The following LRRC36 variants were observed in gnomAD, a reference collection of about 807,000 sequenced individuals.
The protein encoded by LRRC36 is leucine rich repeat containing 36.
Under a neutral mutation model 81.1 loss-of-function variants are expected in LRRC36, and 62 were observed. That is an observed-to-expected ratio of 0.76 (90% CI 0.62 to 0.94). The LOEUF is 0.94. LRRC36 is among the 40% of genes least tolerant of loss of function. The pLI, the probability that LRRC36 is intolerant of heterozygous loss-of-function variation, is 0.00. For synonymous variants in LRRC36, 334 were observed against 348.6 expected, an observed-to-expected ratio of 0.96 and a Z score of 0.47; for missense variants, 761 against 881.7, an observed-to-expected ratio of 0.86 and a Z score of 1.73.
chr16:67,362,365 G>C (rs2039193047), intron 5 of LRRC36: 2 of 321,418 alleles, frequency 6.2e-6, no homozygotes, highest in Middle Eastern at 1.1e-3. Flanking sequence ...ATTTCACCAG[G>C]CTGGCCAGGC....
chr16:67,366,003 T>C lies in LRRC36; in HGVS notation c.754+648T>C, dbSNP rs75692629. On this transcript the variant is annotated intron_variant, in intron 7 of 13. Coordinates refer to ENST00000329956, the MANE Select transcript of LRRC36 (RefSeq NM_018296.6). ...TGCCTTACAGTGGCACATACTTTAATGTAGGTCTATTAGTGATGAGCTCTT... is the reference window on the plus strand; with the variant it reads ...TGCCTTACAGTGGCACATACTTTAACGTAGGTCTATTAGTGATGAGCTCTT... Among the ~76,000 whole-genome samples the C allele has an allele frequency of 6.3e-3, 960 of 152,328 alleles. 8 individuals carry two copies. Among genetic ancestry groups the C allele is most frequent in the African/African-American group, 0.022 (898 of 41,576 alleles).
intron 5 of LRRC36, among the ~76,000 whole-genome samples, chr16:67,362,755 CTT>C (rs904259799): frequency 8.8e-5 from 13 of 147,084 alleles, no homozygotes; most frequent in Non-Finnish European, 1.5e-4. Context: ...GTTTCTCTCT[CTT>C]TTTTTTGTTT....
intron 1 of LRRC36, among the ~76,000 whole-genome samples, chr16:67,329,515 ACTC>A (rs1417238532): frequency 1.3e-5 from 2 of 151,410 alleles, no homozygotes; most frequent in Non-Finnish European, 2.9e-5. Flanking sequence ...CTAGTCTTGA[ACTC>A]CTGACCTCAA....
chr16:67,367,130 A>G lies in LRRC36; in HGVS notation c.868A>G (p.Lys290Glu), dbSNP rs756347305. 3.1e-6 allele frequency: 5 copies of G among 1,614,162 alleles called. No homozygotes were observed. The South Asian group carries it at 3.3e-5, about 11-fold the overall frequency. The stretch of plus-strand genomic sequence containing the variant: ...TAAGTCTTCAGGTTCTTCTCCAGAA[A>G]AGGAATTGATACCAAAACCTGATAC... ...DNKSSGSSPE[K>E]ELIPKPDTFH... The change falls in exon 8 of 14, where the codon AAG becomes GAG. Residue 290 changes from lysine to glutamate, a missense_variant. Physicochemically the swap from Lys to Glu is moderately conservative, Grantham distance 56 (BLOSUM62 1). Coordinates refer to ENST00000329956, the MANE Select transcript of LRRC36 (RefSeq NM_018296.6).
rs767009026 is a variant in LRRC36 at position 67,375,409 on chromosome 16, C to T, written c.1657C>T (p.Leu553Phe). 4 of 1,578,064 alleles carry T rather than the reference C, an allele frequency of 2.5e-6. No homozygotes were observed. In the South Asian group the frequency reaches 4.6e-5, roughly 18 times the overall value. ...CTCCCTCCTCCTCAACAAGAAGTTT[C>T]TCGGTGAGTGAATGCATTCTCTGTC... ...SGSLLLNKKFLGPARDLLLSL... is the reference protein window; with the variant it reads ...SGSLLLNKKFFGPARDLLLSL... Residue 553 changes from leucine to phenylalanine, a missense_variant, in exon 10 of 14, where the codon CTC becomes TTC. Physicochemically the swap from Leu to Phe is conservative, Grantham distance 22. This residue lies in a region of LRRC36 where 359 missense variants were observed against 388.4 expected (regional missense o/e 0.92). Coordinates refer to ENST00000329956, the MANE Select transcript of LRRC36 (RefSeq NM_018296.6).
intron 8 of LRRC36, among the ~76,000 whole-genome samples, chr16:67,369,264 C>G (rs1347251348): frequency 6.6e-6 from 1 of 152,094 alleles, no homozygotes; most frequent in Non-Finnish European, 1.5e-5. Context: ...GAGAAACCAT[C>G]ATGGAGAGTG....
At chr16:67,331,809 G>T (rs1330236617) in intron 1 of LRRC36, among the ~76,000 whole-genome samples, 1 of 151,822 alleles carries the variant, frequency 6.6e-6, no homozygotes, top group Non-Finnish European at 1.5e-5. Flanking sequence ...CCAGCATGTT[G>T]AAACCCCATC....
At chr16:67,347,826 T>G (rs1257812358) in intron 4 of LRRC36, among the ~76,000 whole-genome samples, 1 of 152,210 alleles carries the variant, frequency 6.6e-6, no homozygotes, top group African/African-American at 2.4e-5. Flanking sequence ...AGAAATTCTC[T>G]AAAGTTGTTG....
At chr16:67,343,992 T>G (rs2142009258) in intron 2 of LRRC36, among the ~76,000 whole-genome samples, 1 of 151,970 alleles carries the variant, frequency 6.6e-6, no homozygotes, top group South Asian at 2.1e-4. Flanking sequence ...AATTTTTGTA[T>G]TTTTAGTAAA....
At position 67,341,020 on chromosome 16, in the gene LRRC36, T is replaced by C. The variant is rs536514564; in HGVS notation, c.71-937T>C. On this transcript the variant is annotated intron_variant, in intron 1 of 13. Coordinates refer to ENST00000329956, the MANE Select transcript of LRRC36 (RefSeq NM_018296.6). ...TATATAGAATATGTATTCTATAGAA[T>C]ATGTACTCTACATATTCTATAGAAT... Among the ~76,000 whole-genome samples, 297 of 122,590 alleles carry C rather than the reference T, an allele frequency of 2.4e-3. 13 individuals are homozygous for C. The highest frequency in any genetic ancestry group is 8.6e-3 in the African/African-American group (263 of 30,678). The allele number at this position is 122,590 out of a possible 152,430, so 80.4% of individuals were successfully genotyped here.
intron 2 of LRRC36, among the ~76,000 whole-genome samples, chr16:67,346,038 T>C (rs1326350464): frequency 6.6e-6 from 1 of 152,174 alleles, no homozygotes; most frequent in African/African-American, 2.4e-5. Flanking sequence ...GGAAATGTAT[T>C]ATATATGTGA....
At position 67,341,965 on chromosome 16, in the gene LRRC36, G is replaced by T. The variant is rs911637078; in HGVS notation, c.79G>T (p.Glu27Ter). The T allele has an allele frequency of 1.6e-5, 26 of 1,609,530 alleles. No individual in the cohort carries two copies. Among genetic ancestry groups the T allele is most frequent in the Non-Finnish European group, 2.2e-5 (26 of 1,177,298 alleles). ...TGATGATCTCTTTTCAGAACTGGTG[G>T]AGTCTCTTTCATTGCAGGGATCTTA... ...ALTLEQPELV[E>*]SLSLQGSYAG... The change falls in exon 2 of 14, where the codon GAG becomes TAG. Residue 27 changes from glutamate to a stop codon, truncating the protein, a stop_gained. Transcript: ENST00000329956. LOFTEE classifies it high-confidence loss of function.
intron 9 of LRRC36, among the ~76,000 whole-genome samples, chr16:67,374,778 C>T (rs1450652337): frequency 6.6e-6 from 1 of 151,758 alleles, no homozygotes; most frequent in Admixed American, 6.6e-5. Context: ...TTGTCTTAGA[C>T]ATAAATAATA....
At chr16:67,355,725 C>T (rs1449550528) in intron 5 of LRRC36, among the ~76,000 whole-genome samples, 1 of 152,156 alleles carries the variant, frequency 6.6e-6, no homozygotes, top group African/African-American at 2.4e-5. Flanking sequence ...GTTTCTCAAA[C>T]TGGACTCCTG....
chr16:67,343,809 A>C (rs759011120), intron 2 of LRRC36, among the ~76,000 whole-genome samples: 1 of 151,772 alleles, frequency 6.6e-6, no homozygotes, highest in Non-Finnish European at 1.5e-5. Context: ...TATTTTTTGC[A>C]TCTATGATTT....
At position 67,385,001 on chromosome 16, in the gene LRRC36, C is replaced by G; in HGVS notation, c.2177C>G (p.Thr726Arg). The G allele has an allele frequency of 6.2e-7, 1 of 1,614,198 alleles. No individual in the cohort carries two copies. The highest frequency in any genetic ancestry group is 8.5e-7 in the Non-Finnish European group (1 of 1,180,036). ...AGATCATCGCCCTTTGGGAAAAGCA[C>G]GTTGTCTTCCTCCTCACCAGTGGCA... is the stretch of plus-strand genomic sequence containing the variant. ...LGRSSPFGKSTLSSSSPVAHE... is the reference protein window; with the variant it reads ...LGRSSPFGKSRLSSSSPVAHE... Residue 726 changes from threonine (T) to arginine (R), a missense_variant, in exon 14 of 14, where the codon ACG (threonine) becomes AGG (arginine). Around this residue, in one of 3 missense-constraint regions of LRRC36, gnomAD observed 359 missense variants for 388.4 expected, o/e 0.92. Coordinates refer to ENST00000329956, the MANE Select transcript of LRRC36 (RefSeq NM_018296.6).
chr16:67,378,529 G>A (rs528231843), intron 11 of LRRC36, 60 bp from the exon 12 acceptor site: 11 of 1,552,968 alleles, frequency 7.1e-6, no homozygotes, highest in Admixed American at 6.8e-5. Context: ...CGTGAGCCAC[G>A]GCACCCAGCC....
rs758050113 is a variant in LRRC36 at position 67,343,877 on chromosome 16, T to C, written c.198+1793T>C. ...TGTCGTCCAGGTTGGAGTGCAGTAGTGTGATCTTGGCTCACTGCAACCTCC... is the reference window on the plus strand; with the variant it reads ...TGTCGTCCAGGTTGGAGTGCAGTAGCGTGATCTTGGCTCACTGCAACCTCC... On this transcript the variant is annotated intron_variant, in intron 2 of 13. Transcript: ENST00000329956. Among the ~76,000 whole-genome samples, 69 of 151,950 alleles carry C rather than the reference T, an allele frequency of 4.5e-4. 1 individual carries two copies. Among genetic ancestry groups the C allele is most frequent in the Non-Finnish European group, 4.6e-4 (31 of 67,996 alleles).
chr16:67,372,512 A>G (rs1421192816), intron 9 of LRRC36, among the ~76,000 whole-genome samples: 2 of 152,066 alleles, frequency 1.3e-5, no homozygotes, highest in African/African-American at 4.8e-5. Flanking sequence ...GTCTTTTTGA[A>G]TGTTCATTTT....
Sources: gnomAD v4.1 joint callset for allele counts (sites outside exome capture counted in the v4.1 genomes callset) on GRCh38, gnomAD v4.1.1 for gene constraint, gnomAD v4.1.1 regional missense constraint, MANE v1.5 for transcripts, NCBI Gene and HGNC (gene_info 2026-07-23, HGNC 2026-07-21) for gene names.